Variants in H2AC15 observed in about 807,000 individuals in gnomAD.
The protein encoded by H2AC15 is histone H2A type 1.
A neutral mutation model predicts 7.8 loss-of-function variants in H2AC15; 7 were observed. The ratio of observed to expected loss-of-function variants is 0.90; its 90% CI spans 0.51 to 1.69. H2AC15 has a LOEUF of 1.69. Among genes scored for constraint, H2AC15 ranks in the 40% most tolerant of loss-of-function variants. The probability of loss-of-function intolerance (pLI) is 0.00; values close to 1 mark genes in which losing one functional copy is unlikely to be tolerated. For missense variants in H2AC15, 234 were observed against 174.7 expected, an observed-to-expected ratio of 1.34 and a Z score of -1.91; for synonymous variants, 125 against 79.3, an observed-to-expected ratio of 1.58 and a Z score of -3.06.
Position 27,838,097 on chromosome 6 carries a change from C to A in H2AC15, c.243G>T (p.Pro81=), listed in dbSNP as rs139346689. The change falls in exon 1 of 1, where the codon CCG becomes CCT. Residue 81 remains proline, a synonymous_variant. Coordinates refer to ENST00000618958, the MANE Select transcript of H2AC15 (RefSeq NM_003510.3). ...TGCGGATGGCCAGCTGCAAGTGGCG[C>A]GGGATGATGCGGGTCTTCTTGTTGT... The part of the protein sequence containing the change: ...ARDNKKTRII[P]RHLQLAIRND... 6.2e-7 allele frequency: 1 copy of A among 1,614,186 alleles called. No individual in the cohort carries two copies. The highest frequency in any genetic ancestry group is 8.5e-7 in the Non-Finnish European group (1 of 1,180,046).
At position 27,838,147 on chromosome 6, in the gene H2AC15, C is replaced by A. The variant is rs752232308; in HGVS notation, c.193G>T (p.Glu65Ter). 1 of 1,614,152 alleles carries A rather than the reference C, an allele frequency of 6.2e-7. No homozygotes were observed. Among genetic ancestry groups the A allele is most frequent in the Admixed American group, 1.7e-5 (1 of 60,014 alleles). ...VLEYLTAEILELAGNAARDNK... is the reference protein window; with the variant it reads ...VLEYLTAEIL Reference sequence around the variant, plus strand: ...TCGCGGGCCGCGTTGCCAGCCAGTTCCAGGATCTCGGCGGTTAGGTACTCC... The same window carrying A: ...TCGCGGGCCGCGTTGCCAGCCAGTTACAGGATCTCGGCGGTTAGGTACTCC... The change falls in exon 1 of 1, where the codon GAA (glutamate) becomes TAA (stop). Residue 65 changes from glutamate to a stop codon, truncating the protein, a stop_gained. Coordinates refer to ENST00000618958, the MANE Select transcript of H2AC15 (RefSeq NM_003510.3). LOFTEE classifies it high-confidence loss of function.
rs1386376930 is a variant in H2AC15 at position 27,838,167 on chromosome 6, T to C, written c.173A>G (p.Tyr58Cys). 1.9e-6 allele frequency: 3 copies of C among 1,614,072 alleles called. No individual in the cohort carries two copies. The highest frequency in any genetic ancestry group is 3.3e-5 in the Admixed American group (2 of 60,022). ...APVYLAAVLE[Y>C]LTAEILELAG... ...CAGTTCCAGGATCTCGGCGGTTAGG[T>C]ACTCCAACACCGCCGCCAGGTACAC... The change falls in exon 1 of 1, where the codon TAC becomes TGC. Residue 58 changes from tyrosine (Y) to cysteine (C), a missense_variant. By Grantham distance (194) the Tyr-to-Cys change is radical. Coordinates refer to ENST00000618958, the MANE Select transcript of H2AC15 (RefSeq NM_003510.3).
rs1413402939 is a variant in H2AC15 at position 27,838,034 on chromosome 6, G to A, written c.306C>T (p.Thr102=). The A allele has an allele frequency of 1.9e-6, 3 of 1,614,110 alleles. No individual in the cohort carries two copies. The highest frequency in any genetic ancestry group is 1.1e-5 in the South Asian group (1 of 91,092). ...EELNKLLGKV[T]IAQGGVLPNI... The stretch of plus-strand genomic sequence containing the variant: ...TGGGCAGGACACCACCCTGGGCGAT[G>A]GTCACTTTACCAAGCAGCTTGTTGA... Residue 102 remains threonine (T), a synonymous_variant, in exon 1 of 1, where the codon ACC becomes ACT. Transcript: ENST00000618958.
chr6:27,837,928 A>G lies in H2AC15; in HGVS notation c.*19T>C, dbSNP rs1761056368. On this transcript the variant is annotated 3_prime_UTR_variant, in exon 1 of 1. Coordinates refer to ENST00000618958, the MANE Select transcript of H2AC15 (RefSeq NM_003510.3). Reference sequence around the variant, plus strand: ...TTTGGTTTGGACCGAGGTATGAGTAATGAACTGCTCCAGCCCCGCTACTTG... The same window carrying G: ...TTTGGTTTGGACCGAGGTATGAGTAGTGAACTGCTCCAGCCCCGCTACTTG... The G allele has an allele frequency of 6.2e-7, 1 of 1,613,432 alleles. No individual in the cohort carries two copies. Among genetic ancestry groups the G allele is most frequent in the African/African-American group, 1.3e-5 (1 of 74,886 alleles).
chr6:27,838,298 C>T lies in H2AC15; in HGVS notation c.42G>A (p.Lys14=), dbSNP rs750432899. ...RGKQGGKARA[K]AKTRSSRAGL... ...CCGCCCTTGAAGAACGGGTCTTAGC[C>T]TTGGCGCGAGCTTTGCCGCCCTGCT... is the stretch of plus-strand genomic sequence containing the variant. The change falls in exon 1 of 1, where the codon AAG becomes AAA. Residue 14 remains lysine, a synonymous_variant. Transcript: ENST00000618958. The T allele has an allele frequency of 1.9e-5, 31 of 1,602,864 alleles. No individual in the cohort carries two copies. The Admixed American group carries it at 4.3e-4, about 22-fold the overall frequency.
Position 27,838,249 on chromosome 6 carries a change from C to T in H2AC15, c.91G>A (p.Val31Met), listed in dbSNP as rs1309106446. ...TTGCCCTTGCGGAGCAGTCGGTGCA[C>T]TCGGCCCACTGGGAACTGAAGACCC... ...RAGLQFPVGR[V>M]HRLLRKGNYA... is the part of the protein sequence containing the mutation. The change falls in exon 1 of 1, where the codon GTG (valine) becomes ATG (methionine). Residue 31 changes from valine (V) to methionine (M), a missense_variant. Val to Met is a conservative substitution (Grantham distance 21, BLOSUM62 1). Coordinates refer to ENST00000618958, the MANE Select transcript of H2AC15 (RefSeq NM_003510.3). 12 of 1,613,898 alleles carry T rather than the reference C, an allele frequency of 7.4e-6. No individual in the cohort carries two copies. Among genetic ancestry groups the T allele is most frequent in the Non-Finnish European group, 3.4e-6 (4 of 1,179,932 alleles).
In H2AC15 at chr6:27,838,007, A is replaced by T. The variant is rs748769774; in HGVS notation, c.333T>A (p.Asn111Lys). The T allele has an allele frequency of 3.1e-6, 5 of 1,614,086 alleles. No homozygotes were observed. Among genetic ancestry groups the T allele is most frequent in the African/African-American group, 1.3e-5 (1 of 74,928 alleles). ...VTIAQGGVLP[N>K]IQAVLLPKKT... is the part of the protein sequence containing the mutation. ...TCTTAGGCAGCAGCACGGCCTGGAT[A>T]TTGGGCAGGACACCACCCTGGGCGA... is the stretch of plus-strand genomic sequence containing the variant. Residue 111 changes from asparagine (N) to lysine (K), a missense_variant, in exon 1 of 1, where the codon AAT (asparagine) becomes AAA (lysine). Coordinates refer to ENST00000618958, the MANE Select transcript of H2AC15 (RefSeq NM_003510.3).
Position 27,838,101 on chromosome 6 carries a change from A to G in H2AC15, c.239T>C (p.Ile80Thr). The G allele has an allele frequency of 6.2e-7, 1 of 1,614,114 alleles. No individual in the cohort carries two copies. The highest frequency in any genetic ancestry group is 8.5e-7 in the Non-Finnish European group (1 of 1,180,012). ...AARDNKKTRIIPRHLQLAIRN... is the reference protein window; with the variant it reads ...AARDNKKTRITPRHLQLAIRN... ...GATGGCCAGCTGCAAGTGGCGCGGG[A>G]TGATGCGGGTCTTCTTGTTGTCGCG... is the stretch of plus-strand genomic sequence containing the variant. The change falls in exon 1 of 1, where the codon ATC (isoleucine) becomes ACC (threonine). Residue 80 changes from isoleucine (I) to threonine (T), a missense_variant. Transcript: ENST00000618958.
rs753942506 is a variant in H2AC15, at chr6:27,837,982, T to C, written c.358A>G (p.Lys120Glu). 2 of 1,614,112 alleles carry C rather than the reference T, an allele frequency of 1.2e-6. No individual in the cohort carries two copies. The highest frequency in any genetic ancestry group is 1.3e-5 in the African/African-American group (1 of 74,924). Residue 120 changes from lysine (K) to glutamate (E), a missense_variant, in exon 1 of 1, where the codon AAA (lysine) becomes GAA (glutamate). Coordinates refer to ENST00000618958, the MANE Select transcript of H2AC15 (RefSeq NM_003510.3). ...TTGGCCTTGTGGTGGCTCTCAGTTT[T>C]CTTAGGCAGCAGCACGGCCTGGATA... is the stretch of plus-strand genomic sequence containing the variant. ...PNIQAVLLPK[K>E]TESHHKAKGK
At position 27,838,105 on chromosome 6, in the gene H2AC15, T is replaced by C. The variant is rs772108612; in HGVS notation, c.235A>G (p.Ile79Val). 11 of 1,614,058 alleles carry C rather than the reference T, an allele frequency of 6.8e-6. No individual in the cohort carries two copies. The highest frequency in any genetic ancestry group is 6.7e-5 in the East Asian group (3 of 44,892). ...GCCAGCTGCAAGTGGCGCGGGATGA[T>C]GCGGGTCTTCTTGTTGTCGCGGGCC... The part of the protein sequence containing the change: ...NAARDNKKTR[I>V]IPRHLQLAIR... Residue 79 changes from isoleucine to valine, a missense_variant, in exon 1 of 1, where the codon ATC becomes GTC. Coordinates refer to ENST00000618958, the MANE Select transcript of H2AC15 (RefSeq NM_003510.3).
rs1400043556 is a variant in H2AC15 at position 27,837,905 on chromosome 6, TGG to T, written c.*40_*41del. On this transcript the variant is annotated 3_prime_UTR_variant, in exon 1 of 1. Coordinates refer to ENST00000618958, the MANE Select transcript of H2AC15 (RefSeq NM_003510.3). Reference sequence around the variant, plus strand: ...TAGGTGGCTCTGAAAAGAACCTTTTTGGTTTGGACCGAGGTATGAGTAATGAA... The same window carrying T: ...TAGGTGGCTCTGAAAAGAACCTTTTTTTTGGACCGAGGTATGAGTAATGAA... 2 of 1,595,220 alleles carry T rather than the reference TGG, an allele frequency of 1.3e-6. No individual in the cohort carries two copies. Among genetic ancestry groups the T allele is most frequent in the South Asian group, 1.1e-5 (1 of 89,700 alleles).
Position 27,838,078 on chromosome 6 carries a change from T to G in H2AC15, c.262A>C (p.Ile88Leu), listed in dbSNP as rs551039045. 1 of 1,614,110 alleles carries G rather than the reference T, an allele frequency of 6.2e-7. No individual in the cohort carries two copies. The highest frequency in any genetic ancestry group is 8.5e-7 in the Non-Finnish European group (1 of 1,180,044). Residue 88 changes from isoleucine (I) to leucine (L), a missense_variant, in exon 1 of 1, where the codon ATC becomes CTC. Coordinates refer to ENST00000618958, the MANE Select transcript of H2AC15 (RefSeq NM_003510.3). ...TTGTTGAGCTCCTCGTCGTTGCGGA[T>G]GGCCAGCTGCAAGTGGCGCGGGATG... ...RIIPRHLQLA[I>L]RNDEELNKLL...
rs748442720 is a variant in H2AC15, at chr6:27,837,940, A to G, written c.*7T>C. 1.2e-6 allele frequency: 2 copies of G among 1,614,074 alleles called. No individual in the cohort carries two copies. ...CGAGGTATGAGTAATGAACTGCTCC[A>G]GCCCCGCTACTTGCCCTTGGCCTTG... On this transcript the variant is annotated 3_prime_UTR_variant, in exon 1 of 1. Coordinates refer to ENST00000618958, the MANE Select transcript of H2AC15 (RefSeq NM_003510.3).
rs759535364 is a variant in H2AC15, at chr6:27,838,052, C to T, written c.288G>A (p.Lys96=). The change falls in exon 1 of 1, where the codon AAG becomes AAA. Residue 96 remains lysine, a synonymous_variant. Coordinates refer to ENST00000618958, the MANE Select transcript of H2AC15 (RefSeq NM_003510.3). The part of the protein sequence containing the change: ...LAIRNDEELN[K]LLGKVTIAQG... ...GGGCGATGGTCACTTTACCAAGCAG[C>T]TTGTTGAGCTCCTCGTCGTTGCGGA... The T allele has an allele frequency of 1.2e-6, 2 of 1,614,218 alleles. No homozygotes were observed. The highest frequency in any genetic ancestry group is 1.1e-5 in the South Asian group (1 of 91,084).
chr6:27,838,049 C>G lies in H2AC15; in HGVS notation c.291G>C (p.Leu97=), dbSNP rs367544020. The part of the protein sequence containing the change: ...AIRNDEELNK[L]LGKVTIAQGG... ...CCTGGGCGATGGTCACTTTACCAAG[C>G]AGCTTGTTGAGCTCCTCGTCGTTGC... Residue 97 remains leucine, a synonymous_variant, in exon 1 of 1, where the codon CTG becomes CTC. Transcript: ENST00000618958. 9 of 1,614,134 alleles carry G rather than the reference C, an allele frequency of 5.6e-6. No individual in the cohort carries two copies. The highest frequency in any genetic ancestry group is 7.6e-6 in the Non-Finnish European group (9 of 1,180,056).
Position 27,838,177 on chromosome 6 carries a change from C to G in H2AC15, c.163G>C (p.Val55Leu). Residue 55 changes from valine to leucine, a missense_variant, in exon 1 of 1, where the codon GTG (valine) becomes CTG (leucine). Val to Leu is a conservative substitution (Grantham distance 32, BLOSUM62 1). Coordinates refer to ENST00000618958, the MANE Select transcript of H2AC15 (RefSeq NM_003510.3). ...ATCTCGGCGGTTAGGTACTCCAACA[C>G]CGCCGCCAGGTACACCGGCGCTCCG... ...GAGAPVYLAA[V>L]LEYLTAEILE... 1.2e-6 allele frequency: 2 copies of G among 1,614,154 alleles called. No individual in the cohort carries two copies. Among genetic ancestry groups the G allele is most frequent in the East Asian group, 2.2e-5 (1 of 44,854 alleles).
In H2AC15 at chr6:27,838,036, T is replaced by C. The variant is rs1184927363; in HGVS notation, c.304A>G (p.Thr102Ala). ...GGCAGGACACCACCCTGGGCGATGGTCACTTTACCAAGCAGCTTGTTGAGC... is the reference window on the plus strand; with the variant it reads ...GGCAGGACACCACCCTGGGCGATGGCCACTTTACCAAGCAGCTTGTTGAGC... ...EELNKLLGKV[T>A]IAQGGVLPNI... Residue 102 changes from threonine (T) to alanine (A), a missense_variant, in exon 1 of 1, where the codon ACC becomes GCC. By Grantham distance (58) the Thr-to-Ala change is moderately conservative (BLOSUM62 0). Transcript: ENST00000618958. 1.9e-6 allele frequency: 3 copies of C among 1,614,118 alleles called. No homozygotes were observed. Among genetic ancestry groups the C allele is most frequent in the Non-Finnish European group, 2.5e-6 (3 of 1,180,048 alleles).
At position 27,838,373 on chromosome 6, in the gene H2AC15, A is replaced by C; in HGVS notation, c.-34T>G. ...AAATTCAATCAGTAACGTTCCTGAG[A>C]CTGACGTAACGCTAAAGCTCCGCTA... On this transcript the variant is annotated 5_prime_UTR_variant, in exon 1 of 1. Coordinates refer to ENST00000618958, the MANE Select transcript of H2AC15 (RefSeq NM_003510.3). 1 of 1,548,510 alleles carries C rather than the reference A, an allele frequency of 6.5e-7. No individual in the cohort carries two copies.
chr6:27,838,093 G>C lies in H2AC15; in HGVS notation c.247C>G (p.His83Asp). 1 of 1,614,200 alleles carries C rather than the reference G, an allele frequency of 6.2e-7. No individual in the cohort carries two copies. The highest frequency in any genetic ancestry group is 8.5e-7 in the Non-Finnish European group (1 of 1,180,042). Residue 83 changes from histidine to aspartate, a missense_variant, in exon 1 of 1, where the codon CAC becomes GAC. Physicochemically the swap from His to Asp is moderately conservative, Grantham distance 81. Coordinates refer to ENST00000618958, the MANE Select transcript of H2AC15 (RefSeq NM_003510.3). ...DNKKTRIIPR[H>D]LQLAIRNDEE... ...TCGTTGCGGATGGCCAGCTGCAAGT[G>C]GCGCGGGATGATGCGGGTCTTCTTG...
Sources: gnomAD v4.1 joint callset for allele counts on GRCh38, gnomAD v4.1.1 for gene constraint, MANE v1.5 for transcripts, NCBI Gene and HGNC (gene_info 2026-07-23, HGNC 2026-07-21) for gene names.